DDB1: variants seen among roughly 807,000 people sequenced by gnomAD.
The protein encoded by DDB1 is DNA damage-binding protein 1.
DDB1 carries 18 observed loss-of-function variants against 133.1 expected under a neutral mutation model. The observed-to-expected ratio is 0.14, with a 90% confidence interval of 0.09 to 0.20. The LOEUF (loss-of-function observed/expected upper bound fraction) is 0.20, where lower values mean the gene tolerates loss of function less well. Ranked by LOEUF, DDB1 falls within the 10% of genes least tolerant of loss-of-function variation. DDB1 has a pLI of 1.00. For synonymous variants in DDB1, 580 were observed against 550.5 expected (o/e 1.05, Z -0.75); for missense variants, 828 against 1,459.2 (o/e 0.57, Z 7.05).
rs1396531569 is a variant in DDB1 at position 61,333,082 on chromosome 11, C to G, written c.-114G>C. 12 of 1,004,652 alleles carry G rather than the reference C, an allele frequency of 1.2e-5. No homozygotes were observed. The highest frequency in any genetic ancestry group is 1.7e-5 in the Non-Finnish European group (12 of 726,538). 62.2% of individuals were successfully genotyped at this position (1,004,652 alleles called of 1,614,324 possible). A position where few individuals can be genotyped will look rare whatever the true frequency, so the allele number is the denominator to read the frequency against. ...CAGCGAACTCCACTGCCGCTGCCTC[C>G]GCCCCAGAGACACGTTGCAGGCCAG... On this transcript the variant is annotated 5_prime_UTR_variant, in exon 1 of 27. Transcript: ENST00000301764.
At chr11:61,329,249 CA>C in intron 4 of DDB1, 113 bp downstream of exon 4, 1 of 972,322 alleles carries the variant, frequency 1.0e-6, no homozygotes, top group Non-Finnish European at 1.6e-6. Flanking sequence ...CATTTCAGGA[CA>C]AACACATTAA....
At chr11:61,317,045 T>G (rs1856098107) in intron 10 of DDB1, among the ~76,000 whole-genome samples, 1 of 132,410 alleles carries the variant, frequency 7.6e-6, no homozygotes, top group African/African-American at 2.6e-5. Flanking sequence ...CATGGAGTCC[T>G]GAGCTGGAAC....
At chr11:61,332,586 A>C in intron 1 of DDB1, 1 of 280,220 alleles carries the variant, frequency 3.6e-6, no homozygotes. Flanking sequence ...TTTCCTGGCC[A>C]CAGAAAGCCA....
At chr11:61,308,132 C>T (rs1209496563) in intron 21 of DDB1, among the ~76,000 whole-genome samples, 2 of 152,176 alleles carry the variant, frequency 1.3e-5, no homozygotes, top group Non-Finnish European at 2.9e-5. Flanking sequence ...TGAATAAAAC[C>T]CTGATATGGC....
intron 10 of DDB1, among the ~76,000 whole-genome samples, chr11:61,318,520 T>C (rs1856126153): frequency 1.3e-5 from 2 of 152,188 alleles, no homozygotes; most frequent in South Asian, 2.1e-4. Flanking sequence ...CTCAGGACTG[T>C]TGCCTGTCCA....
chr11:61,331,457 A>C, intron 2 of DDB1, 86 bp downstream of exon 2: 1 of 1,551,930 alleles, frequency 6.4e-7, no homozygotes, highest in South Asian at 1.2e-5. Flanking sequence ...CGTCTCAAAG[A>C]AAATAAATAA....
chr11:61,300,328 G>T, intron 26 of DDB1, 109 bp from the exon 27 acceptor site: 3 of 1,155,778 alleles, frequency 2.6e-6, no homozygotes, highest in Non-Finnish European at 3.8e-6. Context: ...CATTGTCATG[G>T]CAGAGGAAGG....
intron 21 of DDB1, among the ~76,000 whole-genome samples, chr11:61,305,637 C>CG (rs377355355): frequency 6.6e-6 from 1 of 152,138 alleles, no homozygotes. Context: ...AAGAGTGAAG[C>CG]GGGGGGCCTC....
At chr11:61,331,994 A>C (rs1223531341) in intron 1 of DDB1, 1 of 274,140 alleles carries the variant, frequency 3.6e-6, no homozygotes, top group Non-Finnish European at 7.1e-6. Flanking sequence ...CTCCAATTTT[A>C]CTCTATTACA....
chr11:61,300,982 AGTCAT>A (rs1282952827), intron 25 of DDB1, 50 bp from the exon 26 acceptor site: 1 of 1,609,096 alleles, frequency 6.2e-7, no homozygotes, highest in Non-Finnish European at 8.5e-7. Flanking sequence ...CACCCTCCTC[AGTCAT>A]CCCCACCTTT....
At chr11:61,332,561 A>C in intron 1 of DDB1, 1 of 229,724 alleles carries the variant, frequency 4.4e-6, no homozygotes, top group Non-Finnish European at 8.4e-6. Context: ...CAAAGTCGTC[A>C]TTACCACCTC....
chr11:61,329,143 G>A (rs1268220110), intron 4 of DDB1, among the ~76,000 whole-genome samples: 1 of 152,158 alleles, frequency 6.6e-6, no homozygotes, highest in African/African-American at 2.4e-5. Context: ...ATTAAAACCT[G>A]CTACAAGCCC....
At chr11:61,301,015 A>G (rs934018661) in intron 25 of DDB1, 83 bp from the exon 26 acceptor site, 2 of 1,563,158 alleles carry the variant, frequency 1.3e-6, no homozygotes, top group African/African-American at 2.7e-5. Flanking sequence ...ACCACAATCT[A>G]AAGCAATCAT....
Position 61,333,005 on chromosome 11 carries a change from G to T in DDB1, c.-37C>A. On this transcript the variant is annotated 5_prime_UTR_variant, in exon 1 of 27. Transcript: ENST00000301764. ...GAGCGGCCCGTCGGGACTCGAGCGC[G>T]ACACTAGAAAGAGGGACACAAGCGA... 6.8e-7 allele frequency: 1 copy of T among 1,472,274 alleles called. No individual in the cohort carries two copies. Among genetic ancestry groups the T allele is most frequent in the Non-Finnish European group, 9.1e-7 (1 of 1,102,050 alleles). The allele number at this position is 1,472,274 out of a possible 1,614,324, so 91.2% of individuals were successfully genotyped here. A position where few individuals can be genotyped will look rare whatever the true frequency, so the allele number is the denominator to read the frequency against.
Position 61,305,407 on chromosome 11 carries a change from T to C in DDB1, c.2662-1372A>G, listed in dbSNP as rs1025046873. On this transcript the variant is annotated intron_variant, in intron 21 of 26. Coordinates refer to ENST00000301764, the MANE Select transcript of DDB1 (RefSeq NM_001923.5). ...CTGTAATCCCAGCTACTCGGGAGGC[T>C]GAGGCAGGAGAATCTCTTCAACCAG... is the stretch of plus-strand genomic sequence containing the variant. Among the ~76,000 whole-genome samples the C allele has an allele frequency of 2.0e-5, 3 of 152,312 alleles. No individual in the cohort carries two copies. In the East Asian group the frequency reaches 5.8e-4, roughly 29 times the overall value.
chr11:61,331,804 A>G (rs1856379743), intron 1 of DDB1, 113 bp from the exon 2 acceptor site: 1 of 1,417,616 alleles, frequency 7.1e-7, no homozygotes, highest in Non-Finnish European at 9.7e-7. Context: ...TACTTCACAT[A>G]CTTCTCCAAC....
intron 5 of DDB1, chr11:61,326,078 T>G (rs1404800979): frequency 1.3e-5 from 4 of 307,578 alleles, no homozygotes; most frequent in Non-Finnish European, 1.9e-5. Flanking sequence ...TAGCTTAACT[T>G]CCCCCCATTA....
intron 12 of DDB1, 120 bp downstream of exon 12, chr11:61,316,165 G>C (rs927910089): frequency 1.1e-5 from 9 of 848,080 alleles, no homozygotes; most frequent in Admixed American, 2.2e-5. Context: ...TTTTTCCCTA[G>C]AATTTTTACA....
At chr11:61,329,840 G>A in intron 3 of DDB1, 118 bp downstream of exon 3, 3 of 926,850 alleles carry the variant, frequency 3.2e-6, no homozygotes, top group East Asian at 4.8e-5. Flanking sequence ...CAAACCCATA[G>A]TGTCTTCTCC....
Sources: gnomAD v4.1 joint callset for allele counts (sites outside exome capture counted in the v4.1 genomes callset) on GRCh38, gnomAD v4.1.1 for gene constraint, MANE v1.5 for transcripts, NCBI Gene and HGNC (gene_info 2026-07-23, HGNC 2026-07-21) for gene names.